Variants in CRACR2A observed in about 807,000 individuals in gnomAD.
CRACR2A encodes calcium release activated channel regulator 2A.
Under a neutral mutation model 90.5 loss-of-function variants are expected in CRACR2A, and 79 were observed. The observed-to-expected ratio is 0.87, with a 90% CI of 0.73 to 1.05. The LOEUF (loss-of-function observed/expected upper bound fraction) is 1.05, where lower values mean the gene tolerates loss of function less well. Ranked by LOEUF, CRACR2A falls within the 50% of genes least tolerant of loss-of-function variation. The pLI is 0.00. For synonymous variants in CRACR2A, 338 were observed against 356.7 expected (o/e 0.95, Z 0.59); for missense variants, 823 against 897.2 (o/e 0.92, Z 1.06).
At chr12:3,739,630 T>C (rs149699997) in intron 1 of CRACR2A, among the ~76,000 whole-genome samples, 88 of 152,324 alleles carry the variant, frequency 5.8e-4, no homozygotes, top group African/African-American at 2.0e-3. Flanking sequence ...AAAATATTTA[T>C]GATCTCTTTA....
chr12:3,670,811 C>T lies in CRACR2A; in HGVS notation c.671+2635G>A, dbSNP rs984010830. Among the ~76,000 whole-genome samples the T allele has an allele frequency of 9.9e-5, 15 of 152,252 alleles. No homozygotes were observed. The East Asian group carries it at 2.7e-3, about 28-fold the overall frequency. ...GCCCTGCTCAAAACAGTCTGCAGTT[C>T]TCTGGTTCTGCATCCAGAGAATACC... On this transcript the variant is annotated intron_variant, in intron 7 of 19. Coordinates refer to ENST00000440314, the MANE Select transcript of CRACR2A (RefSeq NM_001144958.2).
chr12:3,689,372 T>C (rs1360345125), intron 4 of CRACR2A, among the ~76,000 whole-genome samples: 1 of 152,238 alleles, frequency 6.6e-6, no homozygotes, highest in African/African-American at 2.4e-5. Context: ...GTTCCTTCAA[T>C]ACCTAGTTTG....
At chr12:3,641,633 G>C in intron 13 of CRACR2A, 99 bp downstream of exon 13, 1 of 1,027,486 alleles carries the variant, frequency 9.7e-7, no homozygotes, top group East Asian at 2.6e-5. Flanking sequence ...CTCAGTTTCC[G>C]CACCTCTCAA....
intron 4 of CRACR2A, among the ~76,000 whole-genome samples, chr12:3,687,187 C>CTT (rs79317818): frequency 3.6e-5 from 5 of 137,626 alleles, no homozygotes; most frequent in Admixed American, 1.5e-4. Context: ...ATCCCATTTT[C>CTT]TTTTTTTTTT....
At chr12:3,732,892 A>G (rs1245385909) in intron 2 of CRACR2A, 50 bp downstream of exon 2, 1 of 152,206 alleles carries the variant, frequency 6.6e-6, no homozygotes, top group Non-Finnish European at 1.5e-5. Flanking sequence ...CAGCCTTCTC[A>G]CAGGCGGCTG....
Position 3,711,267 on chromosome 12 carries a change from T to C in CRACR2A, c.-37+1970A>G, listed in dbSNP as rs1946003042. ...CTCTAAAGGGATAGGCTGAGAATGT[T>C]CCAAGTCTTTAAGTTCTCTGCCTTT... On this transcript the variant is annotated intron_variant, in intron 3 of 19. Coordinates refer to ENST00000440314, the MANE Select transcript of CRACR2A (RefSeq NM_001144958.2). This position sits in a 1 kb window ranked among gnomAD's most constrained non-coding sequence, Gnocchi z 4.3. Among the ~76,000 whole-genome samples, 2 of 152,212 alleles carry C rather than the reference T, an allele frequency of 1.3e-5. No homozygotes were observed. Among genetic ancestry groups the C allele is most frequent in the African/African-American group, 2.4e-5 (1 of 41,460 alleles).
At chr12:3,704,733 G>A (rs1565495964) in intron 3 of CRACR2A, among the ~76,000 whole-genome samples, 1 of 152,296 alleles carries the variant, frequency 6.6e-6, no homozygotes, top group Middle Eastern at 3.4e-3. Context: ...TGGCAAGCAG[G>A]AAATGGCTGA....
intron 3 of CRACR2A, among the ~76,000 whole-genome samples, chr12:3,698,095 G>A (rs575532714): frequency 9.9e-5 from 15 of 152,080 alleles, no homozygotes; most frequent in Non-Finnish European, 1.9e-4. Context: ...CTGTGAAATC[G>A]CCACATCATA....
chr12:3,644,512 TG>T (rs1204903285), intron 12 of CRACR2A, 82 bp downstream of exon 12: 1 of 1,375,868 alleles, frequency 7.3e-7, no homozygotes, highest in Non-Finnish European at 1.0e-6. Context: ...AGGACATTGC[TG>T]GGCCAGTCTC....
chr12:3,633,611 G>T lies in CRACR2A; in HGVS notation c.1728C>A (p.Ala576=), dbSNP rs1279053820. ...CEDRFSPGMA[A]TVGIDYRVKT... is the part of the protein sequence containing the mutation. The stretch of plus-strand genomic sequence containing the variant: ...TCAGGGATGAGAACTCACCCACAGT[G>T]GCCGCCATGCCTGGGGAGAACCGGT... Residue 576 remains alanine, a synonymous_variant, in exon 15 of 20, where the codon GCC becomes GCA. Transcript: ENST00000440314. This position sits in a 1 kb window ranked among gnomAD's most constrained non-coding sequence, Gnocchi z 4.5. The T allele has an allele frequency of 1.9e-5, 29 of 1,551,554 alleles. No homozygotes were observed. Among genetic ancestry groups the T allele is most frequent in the Non-Finnish European group, 2.4e-5 (28 of 1,146,994 alleles).
At chr12:3,665,925 C>G (rs1945126513) in intron 7 of CRACR2A, among the ~76,000 whole-genome samples, 1 of 152,174 alleles carries the variant, frequency 6.6e-6, no homozygotes. Flanking sequence ...TCTAAGAGTA[C>G]TGAGCCCAGT....
At chr12:3,669,563 A>G (rs186220554) in intron 7 of CRACR2A, among the ~76,000 whole-genome samples, 1 of 152,292 alleles carries the variant, frequency 6.6e-6, no homozygotes, top group African/African-American at 2.4e-5. Context: ...GGGAGACTGA[A>G]TGCTCCCAGA....
chr12:3,677,262 C>G (rs1327690559), intron 6 of CRACR2A, among the ~76,000 whole-genome samples: 1 of 152,220 alleles, frequency 6.6e-6, no homozygotes, highest in Non-Finnish European at 1.5e-5. Context: ...TTTTCTATTT[C>G]CCTATCTGAG....
chr12:3,738,612 T>C (rs1431797221), intron 1 of CRACR2A, among the ~76,000 whole-genome samples: 1 of 151,862 alleles, frequency 6.6e-6, no homozygotes, highest in Non-Finnish European at 1.5e-5. Flanking sequence ...ACAAAGACAC[T>C]GAAAATATGA....
intron 8 of CRACR2A, 25 bp downstream of exon 8, chr12:3,659,522 TCAAGCTGGCCTCAGAGC>T: frequency 2.5e-6 from 4 of 1,580,058 alleles, no homozygotes; most frequent in Non-Finnish European, 3.5e-6. Context: ...AGCAGATATG[TCAAGCTGGCCTCAGAGC>T]CAAGCCTGGG....
At chr12:3,653,945 G>T (rs940605133) in intron 10 of CRACR2A, among the ~76,000 whole-genome samples, 2 of 152,208 alleles carry the variant, frequency 1.3e-5, no homozygotes, top group African/African-American at 4.8e-5. Flanking sequence ...TTTGTTTGCG[G>T]AATAACATGT....
At chr12:3,717,642 C>T (rs1393504688) in intron 2 of CRACR2A, among the ~76,000 whole-genome samples, 2 of 152,182 alleles carry the variant, frequency 1.3e-5, no homozygotes, top group African/African-American at 4.8e-5. Flanking sequence ...TCATTTATGC[C>T]TCTCATTTAT....
At chr12:3,675,585 T>G (rs1304483901) in intron 6 of CRACR2A, among the ~76,000 whole-genome samples, 1 of 152,216 alleles carries the variant, frequency 6.6e-6, no homozygotes, top group Non-Finnish European at 1.5e-5. Context: ...CTATTATGAC[T>G]ACATAAATAA....
intron 4 of CRACR2A, among the ~76,000 whole-genome samples, chr12:3,695,819 T>C (rs1049162054): frequency 7.2e-5 from 11 of 152,226 alleles, no homozygotes; most frequent in Non-Finnish European, 1.6e-4. Context: ...CTGTATTTTA[T>C]TCACCCATGT....
Sources: allele counts gnomAD v4.1 joint callset (sites outside exome capture counted in the v4.1 genomes callset), GRCh38; gene constraint gnomAD v4.1.1; non-coding constraint Gnocchi (gnomAD v3.1); transcripts MANE v1.5; gene names NCBI Gene and HGNC (gene_info 2026-07-23, HGNC 2026-07-21).